Variants in RSF1 observed in about 807,000 individuals in gnomAD.
RSF1 encodes remodeling and spacing factor 1.
A neutral mutation model predicts 145.2 loss-of-function variants in RSF1; 13 were observed. The observed-to-expected ratio is 0.09, with a 90% CI of 0.06 to 0.14. RSF1 has a LOEUF of 0.14. Ranked by LOEUF, RSF1 falls within the 10% of genes least tolerant of loss-of-function variation. The pLI is 1.00. For missense variants in RSF1, 1,517 were observed against 1,718.2 expected (o/e 0.88, Z 2.07); for synonymous variants, 577 against 592.6 (o/e 0.97, Z 0.38).
intron 10 of RSF1, among the ~76,000 whole-genome samples, chr11:77,684,366 C>A (rs899469303): frequency 6.6e-6 from 1 of 152,116 alleles, no homozygotes; most frequent in African/African-American, 2.4e-5. Context: ...AAATGCAAAA[C>A]AAAGGTAATC....
Position 77,724,373 on chromosome 11 carries a change from C to T in RSF1, c.733+1172G>A, listed in dbSNP as rs1325598530. Among the ~76,000 whole-genome samples, 6 of 152,134 alleles carry T rather than the reference C, an allele frequency of 3.9e-5. No individual in the cohort carries two copies. In the East Asian group the frequency reaches 1.2e-3, roughly 29 times the overall value. ...CATATATGATCCAGCAATTCCACTT[C>T]TGGATTAAAAGAAGGGAAAGCAGGG... On this transcript the variant is annotated intron_variant, in intron 5 of 15. Coordinates refer to ENST00000308488, the MANE Select transcript of RSF1 (RefSeq NM_016578.4).
chr11:77,773,526 C>A (rs955000433), intron 1 of RSF1, among the ~76,000 whole-genome samples: 1 of 152,154 alleles, frequency 6.6e-6, no homozygotes, highest in Non-Finnish European at 1.5e-5. Context: ...TCTAACTTAA[C>A]CTTACCTGTC....
intron 1 of RSF1, among the ~76,000 whole-genome samples, chr11:77,793,207 C>T (rs1359297506): frequency 6.6e-6 from 1 of 152,158 alleles, no homozygotes; most frequent in African/African-American, 2.4e-5. Flanking sequence ...TGGCCAGGTG[C>T]AGTGGCTCAC....
intron 7 of RSF1, among the ~76,000 whole-genome samples, chr11:77,695,295 G>A (rs1381836571): frequency 1.3e-5 from 2 of 151,886 alleles, no homozygotes; most frequent in Admixed American, 6.6e-5. Flanking sequence ...AGCATTTGCC[G>A]GGGATTCTGC....
intron 14 of RSF1, among the ~76,000 whole-genome samples, chr11:77,672,547 G>C (rs2135813097): frequency 6.6e-6 from 1 of 150,492 alleles, no homozygotes; most frequent in East Asian, 2.0e-4. Flanking sequence ...AAAGTGTTGA[G>C]ATTACCACAT....
chr11:77,819,425 C>G (rs907086177), intron 1 of RSF1, among the ~76,000 whole-genome samples: 2 of 152,162 alleles, frequency 1.3e-5, no homozygotes, highest in African/African-American at 4.8e-5. Context: ...AGGCAGCAGG[C>G]GCAGCGCTGA....
At chr11:77,860,584 A>G in the RSF1 span, among the ~76,000 whole-genome samples, 1 of 152,248 alleles carries the variant, frequency 6.6e-6, no homozygotes, top group Non-Finnish European at 1.5e-5. Flanking sequence ...TAAATCATCC[A>G]TGTACTGAAG....
chr11:77,721,298 A>C (rs995403888), intron 5 of RSF1, among the ~76,000 whole-genome samples: 2 of 152,178 alleles, frequency 1.3e-5, no homozygotes, highest in Admixed American at 1.3e-4. Flanking sequence ...ATCCCCCAAC[A>C]CAGCCCAAGG....
At chr11:77,805,760 A>G (rs568930967) in intron 1 of RSF1, among the ~76,000 whole-genome samples, 8 of 152,346 alleles carry the variant, frequency 5.3e-5, no homozygotes, top group African/African-American at 1.9e-4. Context: ...TTAACATGGT[A>G]GTGCTTCAAA....
chr11:77,715,497 G>C (rs909248326), intron 5 of RSF1, among the ~76,000 whole-genome samples: 3 of 152,128 alleles, frequency 2.0e-5, no homozygotes, highest in African/African-American at 7.2e-5. Context: ...GCCCAGGCTG[G>C]AGTGCAGTAG....
chr11:77,822,606 G>T (rs4245453), upstream of RSF1, among the ~76,000 whole-genome samples: 38,560 of 151,844 alleles, frequency 0.25, 5,605 homozygotes, highest in South Asian at 0.49. Context: ...AACCATAAGG[G>T]TGTGTATTAT....
At chr11:77,779,127 AG>A (rs537781943) in intron 1 of RSF1, among the ~76,000 whole-genome samples, 39 of 151,872 alleles carry the variant, frequency 2.6e-4, no homozygotes, top group Admixed American at 1.2e-3. Flanking sequence ...TATTTTTCGT[AG>A]AGACACGGTT....
intron 1 of RSF1, among the ~76,000 whole-genome samples, chr11:77,772,904 A>G (rs1948302659): frequency 6.6e-6 from 1 of 150,818 alleles, no homozygotes; most frequent in African/African-American, 2.4e-5. Flanking sequence ...CTAGCCTTCC[A>G]TTCCAGGGCT....
rs754227315 is a variant in RSF1 at position 77,666,906 on chromosome 11, G to GA, written c.*10dup. ...CGTGGAATAAATTAGCACAAAAATG[G>GA]AAAAAAAGTCTTATAACTGTTCACT... On this transcript the variant is annotated 3_prime_UTR_variant, in exon 16 of 16. Coordinates refer to ENST00000308488, the MANE Select transcript of RSF1 (RefSeq NM_016578.4). 1.2e-5 allele frequency: 18 copies of GA among 1,502,476 alleles called. No individual in the cohort carries two copies. Among genetic ancestry groups the GA allele is most frequent in the South Asian group, 1.1e-4 (8 of 70,792 alleles). The allele number at this position is 1,502,476 out of a possible 1,614,324, so 93.1% of individuals were successfully genotyped here.
the RSF1 span, among the ~76,000 whole-genome samples, chr11:77,833,747 C>G: frequency 6.6e-6 from 1 of 152,172 alleles, no homozygotes; most frequent in African/African-American, 2.4e-5. Flanking sequence ...TCTACTCACC[C>G]TGGACTTAGC....
intron 1 of RSF1, among the ~76,000 whole-genome samples, chr11:77,807,859 GAA>G (rs549932645): frequency 1.3e-3 from 194 of 152,278 alleles, no homozygotes; most frequent in Non-Finnish European, 2.0e-3. Flanking sequence ...GAACTACAAG[GAA>G]AAGACAGTTG....
At chr11:77,753,450 A>T (rs1296000758) in intron 2 of RSF1, among the ~76,000 whole-genome samples, 1 of 152,192 alleles carries the variant, frequency 6.6e-6, no homozygotes, top group African/African-American at 2.4e-5. Context: ...CTAATGAGAC[A>T]CCACTAGGCT....
upstream of RSF1, among the ~76,000 whole-genome samples, chr11:77,823,284 A>G (rs1949015072): frequency 6.6e-6 from 1 of 151,836 alleles, no homozygotes; most frequent in Admixed American, 6.6e-5. Flanking sequence ...ATGAATTATC[A>G]CTGCCAAAGA....
At chr11:77,737,493 A>AAC (rs562370127) in intron 4 of RSF1, among the ~76,000 whole-genome samples, 21,803 of 146,326 alleles carry the variant, frequency 0.15, 1,968 homozygotes, top group African/African-American at 0.26. Context: ...ACAACAACAA[A>AAC]AAAACGGAAA....
Sources: allele counts gnomAD v4.1 joint callset (sites outside exome capture counted in the v4.1 genomes callset), GRCh38; gene constraint gnomAD v4.1.1; transcripts MANE v1.5; gene names NCBI Gene and HGNC (gene_info 2026-07-23, HGNC 2026-07-21).